DNAJA3: variants seen among roughly 807,000 people sequenced by gnomAD.
The protein encoded by DNAJA3 is dnaJ homolog subfamily A member 3, mitochondrial.
DNAJA3 carries 29 observed loss-of-function variants against 54.9 expected under a neutral mutation model. The observed-to-expected ratio is 0.53, with a 90% CI of 0.39 to 0.72. The LOEUF is 0.72. Among genes scored for constraint, DNAJA3 ranks in the 30% least tolerant of loss-of-function variants. The probability of loss-of-function intolerance (pLI) is 0.00; values close to 1 mark genes in which losing one functional copy is unlikely to be tolerated. For synonymous variants in DNAJA3, 302 were observed against 251.4 expected (o/e 1.20, Z -1.90); for missense variants, 708 against 639.4 (o/e 1.11, Z -1.16).
At chr16:4,447,672 T>TC in intron 8 of DNAJA3, 1 of 152,836 alleles carries the variant, frequency 6.5e-6, no homozygotes, top group South Asian at 2.1e-4. Flanking sequence ...CCTGCTTTGC[T>TC]CCCTCACTCC....
At position 4,443,095 on chromosome 16, in the gene DNAJA3, C is replaced by T; in HGVS notation, c.862C>T (p.Pro288Ser). 1.2e-6 allele frequency: 2 copies of T among 1,614,006 alleles called. No homozygotes were observed. The highest frequency in any genetic ancestry group is 1.7e-6 in the Non-Finnish European group (2 of 1,180,008). The change falls in exon 6 of 12, where the codon CCC (proline) becomes TCC (serine). Residue 288 changes from proline to serine, a missense_variant. Pro to Ser is a moderately conservative substitution (Grantham distance 74, BLOSUM62 -1). Coordinates refer to ENST00000262375, the MANE Select transcript of DNAJA3 (RefSeq NM_005147.6). Reference sequence around the variant, plus strand: ...TGGCCGCGGCTCCATCATCATATCGCCCTGTGTGGTCTGCAGGGGAGCAGG... The same window carrying T: ...TGGCCGCGGCTCCATCATCATATCGTCCTGTGTGGTCTGCAGGGGAGCAGG... ...CGGRGSIIIS[P>S]CVVCRGAGQA... is the part of the protein sequence containing the mutation.
chr16:4,449,286 A>G (rs112458032), intron 9 of DNAJA3, among the ~76,000 whole-genome samples: 46 of 152,164 alleles, frequency 3.0e-4, no homozygotes, highest in Admixed American at 3.9e-4. Flanking sequence ...GTGAGCCACC[A>G]TGCCCGGCCA....
At chr16:4,454,735 G>A (rs1188624305) in intron 10 of DNAJA3, 76 bp from the exon 11 acceptor site, 15 of 1,152,466 alleles carry the variant, frequency 1.3e-5, no homozygotes, top group Non-Finnish European at 1.5e-5. Flanking sequence ...TGGCCAGGCG[G>A]GGGTAGGTGG....
At chr16:4,453,949 AACTC>A (rs1473712492) in intron 10 of DNAJA3, among the ~76,000 whole-genome samples, 1 of 152,208 alleles carries the variant, frequency 6.6e-6, no homozygotes, top group African/African-American at 2.4e-5. Context: ...TCTATATTCT[AACTC>A]ACAACAAAAG....
rs1283773960 is a variant in DNAJA3, at chr16:4,447,209, C to T, written c.1125+195C>T. ...GCCACAGGCCTTGAGTCTATAATCG[C>T]ATGGGAAGCAGTTCCTGGCTGGCAT... On this transcript the variant is annotated intron_variant, in intron 8 of 11. Coordinates refer to ENST00000262375, the MANE Select transcript of DNAJA3 (RefSeq NM_005147.6). The T allele has an allele frequency of 6.6e-6, 4 of 605,526 alleles. No individual in the cohort carries two copies. In the Admixed American group the frequency reaches 1.3e-4, roughly 20 times the overall value. 37.5% of individuals were successfully genotyped at this position (605,526 alleles called of 1,614,324 possible).
intron 1 of DNAJA3, among the ~76,000 whole-genome samples, chr16:4,430,133 AC>A (rs2056678239): frequency 6.7e-6 from 1 of 150,356 alleles, no homozygotes; most frequent in African/African-American, 2.5e-5. Flanking sequence ...ACATAATGAG[AC>A]CCCTGTCTCT....
chr16:4,450,255 TCA>T (rs1467292108), intron 9 of DNAJA3, 143 bp from the exon 10 acceptor site: 9 of 601,838 alleles, frequency 1.5e-5, no homozygotes, highest in Non-Finnish European at 2.3e-5. Flanking sequence ...CCTTAGGTTC[TCA>T]CCGCTGCACT....
chr16:4,435,599 G>A (rs898315126), intron 2 of DNAJA3, among the ~76,000 whole-genome samples: 2 of 152,136 alleles, frequency 1.3e-5, no homozygotes, highest in African/African-American at 2.4e-5. Context: ...CCTTTTGTGT[G>A]TCTTGGCTTC....
rs1596371218 is a variant in DNAJA3 at position 4,450,263 on chromosome 16, G to A, written c.1242-137G>A. 3 of 625,442 alleles carry A rather than the reference G, an allele frequency of 4.8e-6. No homozygotes were observed. The East Asian group carries it at 8.3e-5, about 17-fold the overall frequency. 38.7% of individuals were successfully genotyped at this position (625,442 alleles called of 1,614,324 possible). A position where few individuals can be genotyped will look rare whatever the true frequency, so the allele number is the denominator to read the frequency against. On this transcript the variant is annotated intron_variant, in intron 9 of 11. Transcript: ENST00000262375. ...GCATGGTCCTTAGGTTCTCACCGCT[G>A]CACTGGCTCAGGGTGTCCGCCCCTG... is the stretch of plus-strand genomic sequence containing the variant.
chr16:4,429,847 A>AG (rs2056673425), intron 1 of DNAJA3, among the ~76,000 whole-genome samples: 1 of 151,694 alleles, frequency 6.6e-6, no homozygotes. Context: ...AAAAAAAAAA[A>AG]TTAGCCAACT....
intron 1 of DNAJA3, among the ~76,000 whole-genome samples, chr16:4,432,686 C>A (rs1010384390): frequency 1.3e-5 from 2 of 152,080 alleles, no homozygotes; most frequent in Non-Finnish European, 2.9e-5. Context: ...TAAAACACCT[C>A]CAGTCTGGGC....
chr16:4,440,780 G>A (rs1426898389), intron 3 of DNAJA3: 1 of 152,778 alleles, frequency 6.5e-6, no homozygotes, highest in Non-Finnish European at 1.5e-5. Context: ...AAAGCAGCCT[G>A]GGCAACATAG....
chr16:4,438,444 C>G (rs1439893905), intron 3 of DNAJA3, among the ~76,000 whole-genome samples: 1 of 152,132 alleles, frequency 6.6e-6, no homozygotes, highest in Non-Finnish European at 1.5e-5. Context: ...AATGACATCC[C>G]CTTCCTCCAC....
chr16:4,450,611 T>TA lies in DNAJA3; in HGVS notation c.1339+118dup, dbSNP rs973757162. 8.9e-6 allele frequency: 7 copies of TA among 782,740 alleles called. No homozygotes were observed. In the African/African-American group the frequency reaches 1.2e-4, roughly 14 times the overall value. The allele number at this position is 782,740 out of a possible 1,614,324, so 48.5% of individuals were successfully genotyped here. ...CACTTCGGGTTCTTCATGAAGCCTT[T>TA]AAAATGTGCAGTTGAAAGAGGGGGG... On this transcript the variant is annotated intron_variant, in intron 10 of 11. Transcript: ENST00000262375.
At chr16:4,434,886 C>CTTTTTTTTTTTTTT (rs202179531) in intron 2 of DNAJA3, among the ~76,000 whole-genome samples, 11 of 100,194 alleles carry the variant, frequency 1.1e-4, no homozygotes, top group African/African-American at 2.5e-4. Context: ...CCTTTCCTTT[C>CTTTTTTTTTTTTTT]TTTTTTTTTT....
chr16:4,448,320 C>T (rs535929642), intron 8 of DNAJA3, among the ~76,000 whole-genome samples: 117 of 149,042 alleles, frequency 7.9e-4, no homozygotes, highest in African/African-American at 2.6e-3. Context: ...CCACTGCGCC[C>T]GGCCTTTTTT....
rs759078759 is a variant in DNAJA3, at chr16:4,450,443, G to A, written c.1285G>A (p.Glu429Lys). 16 of 1,612,196 alleles carry A rather than the reference G, an allele frequency of 9.9e-6. No individual in the cohort carries two copies. The highest frequency in any genetic ancestry group is 1.7e-5 in the Admixed American group (1 of 59,796). Residue 429 changes from glutamate to lysine, a missense_variant, in exon 10 of 12, where the codon GAG (glutamate) becomes AAG (lysine). Glu to Lys is a moderately conservative substitution (Grantham distance 56). Coordinates refer to ENST00000262375, the MANE Select transcript of DNAJA3 (RefSeq NM_005147.6). ...RQQSLILSYAEDETDVEGTVN... is the reference protein window; with the variant it reads ...RQQSLILSYAKDETDVEGTVN... ...GCAGAGCCTGATCCTGAGCTACGCCGAGGACGAGACAGATGTGGAGGGGAC... is the reference window on the plus strand; with the variant it reads ...GCAGAGCCTGATCCTGAGCTACGCCAAGGACGAGACAGATGTGGAGGGGAC...
chr16:4,449,014 T>G (rs763312511), intron 9 of DNAJA3, among the ~76,000 whole-genome samples, 166 bp downstream of exon 9: 16 of 152,168 alleles, frequency 1.1e-4, no homozygotes, highest in Non-Finnish European at 2.1e-4. Context: ...TCTTTTTTTT[T>G]GAGATGGAGT....
rs1039120086 is a variant in DNAJA3 at position 4,425,889 on chromosome 16, C to G, written c.8C>G (p.Ala3Gly). 13 of 1,533,774 alleles carry G rather than the reference C, an allele frequency of 8.5e-6. No homozygotes were observed. Among genetic ancestry groups the G allele is most frequent in the African/African-American group, 1.4e-5 (1 of 71,446 alleles). Residue 3 changes from alanine (A) to glycine (G), a missense_variant, in exon 1 of 12, where the codon GCG becomes GGG. Coordinates refer to ENST00000262375, the MANE Select transcript of DNAJA3 (RefSeq NM_005147.6). MA[A>G]RCSTRWLLVV... ...CAGAGTCCCCGGGCCAAGATGGCTG[C>G]GCGGTGCTCCACACGCTGGTTGCTG... is the stretch of plus-strand genomic sequence containing the variant.
Sources: allele counts gnomAD v4.1 joint callset (sites outside exome capture counted in the v4.1 genomes callset), GRCh38; gene constraint gnomAD v4.1.1; transcripts MANE v1.5; gene names NCBI Gene and HGNC (gene_info 2026-07-23, HGNC 2026-07-21).